The following DPYD variants were observed in gnomAD, a reference collection of about 807,000 sequenced individuals.
DPYD encodes the protein dihydropyrimidine dehydrogenase.
A neutral mutation model predicts 116.2 loss-of-function variants in DPYD; 109 were observed. That is an observed-to-expected ratio of 0.94 (90% CI 0.80 to 1.10). The LOEUF is 1.10. Among genes scored for constraint, DPYD ranks in the 50% least tolerant of loss-of-function variants. The probability of loss-of-function intolerance (pLI) is 0.00; values close to 1 mark genes in which losing one functional copy is unlikely to be tolerated. For synonymous variants in DPYD, 440 were observed against 432.0 expected (o/e 1.02, Z -0.23); for missense variants, 1,302 against 1,254.5 (o/e 1.04, Z -0.57).
At chr1:97,180,475 C>G (rs1188054116) in intron 20 of DPYD, among the ~76,000 whole-genome samples, 4 of 151,938 alleles carry the variant, frequency 2.6e-5, no homozygotes, top group Admixed American at 2.6e-4. Flanking sequence ...CTATAAATGT[C>G]CACTGATTGT....
chr1:97,685,223 A>G (rs1415825763), intron 7 of DPYD, among the ~76,000 whole-genome samples: 1 of 152,214 alleles, frequency 6.6e-6, no homozygotes, highest in Non-Finnish European at 1.5e-5. Flanking sequence ...CATCACATAA[A>G]GAGAAATAAA....
chr1:97,427,416 G>A (rs754512274), intron 14 of DPYD, among the ~76,000 whole-genome samples: 30 of 151,858 alleles, frequency 2.0e-4, no homozygotes, highest in Non-Finnish European at 3.5e-4. Context: ...ACATACAGGC[G>A]ATAATATAAA....
At chr1:97,638,827 A>G (rs139606328) in intron 8 of DPYD, among the ~76,000 whole-genome samples, 94 of 152,202 alleles carry the variant, frequency 6.2e-4, no homozygotes, top group African/African-American at 2.1e-3. Flanking sequence ...AACTCACTCA[A>G]TGCAAGGACA....
intron 3 of DPYD, among the ~76,000 whole-genome samples, chr1:97,747,337 A>C (rs776988818): frequency 2.6e-5 from 4 of 152,184 alleles, no homozygotes; most frequent in Non-Finnish European, 5.9e-5. Flanking sequence ...GCTACAAGTG[A>C]GGTACACTTT....
chr1:97,285,629 A>T (rs1362860532), intron 18 of DPYD, among the ~76,000 whole-genome samples: 1 of 151,746 alleles, frequency 6.6e-6, no homozygotes, highest in African/African-American at 2.4e-5. Flanking sequence ...ATTTGTGAAA[A>T]TTTCTTGGCC....
intron 3 of DPYD, among the ~76,000 whole-genome samples, chr1:97,813,404 T>A (rs769912872): frequency 6.6e-6 from 1 of 152,042 alleles, no homozygotes; most frequent in Non-Finnish European, 1.5e-5. Flanking sequence ...AGAAAAAATA[T>A]GACAATGACA....
intron 5 of DPYD, among the ~76,000 whole-genome samples, chr1:97,707,961 T>C (rs1174220342): frequency 1.3e-5 from 2 of 152,108 alleles, no homozygotes; most frequent in Non-Finnish European, 2.9e-5. Context: ...TGTCTTTTCA[T>C]TTTCTTTCAA....
At chr1:97,696,004 C>T (rs72977716) in intron 6 of DPYD, among the ~76,000 whole-genome samples, 14,360 of 151,762 alleles carry the variant, frequency 0.095, 764 homozygotes, top group Middle Eastern at 0.11. Context: ...GTGGTGCATG[C>T]CTGTAGTCCC....
chr1:97,743,981 A>T (rs988268805), intron 3 of DPYD, among the ~76,000 whole-genome samples: 6 of 152,194 alleles, frequency 3.9e-5, no homozygotes, highest in African/African-American at 1.4e-4. Context: ...AAACTACAAG[A>T]AAACAACTTA....
chr1:97,686,591 C>T (rs1233581113), intron 7 of DPYD, among the ~76,000 whole-genome samples: 2 of 133,768 alleles, frequency 1.5e-5, no homozygotes, highest in Non-Finnish European at 3.1e-5. Context: ...GAGCCGAGAT[C>T]GCGCCACTGC....
intron 4 of DPYD, among the ~76,000 whole-genome samples, chr1:97,737,582 A>G (rs981303376): frequency 6.6e-6 from 1 of 152,124 alleles, no homozygotes. Flanking sequence ...GGAAATGATC[A>G]ATATTTTGTT....
intron 14 of DPYD, among the ~76,000 whole-genome samples, chr1:97,428,907 T>A (rs1675018605): frequency 6.6e-6 from 1 of 152,060 alleles, no homozygotes; most frequent in Non-Finnish European, 1.5e-5. Flanking sequence ...AGTGGGCTTT[T>A]TGTTAATAGA....
At chr1:97,265,299 C>G (rs1437847066) in intron 18 of DPYD, 1 of 152,146 alleles carries the variant, frequency 6.6e-6, no homozygotes, top group African/African-American at 2.4e-5. Context: ...GACCCCTAAT[C>G]TAAAGTCCCA....
intron 3 of DPYD, among the ~76,000 whole-genome samples, chr1:97,789,781 C>T (rs769289514): frequency 1.3e-5 from 2 of 152,068 alleles, no homozygotes; most frequent in Non-Finnish European, 2.9e-5. Context: ...TGAAAGACTC[C>T]GTGTCCACAA....
intron 20 of DPYD, among the ~76,000 whole-genome samples, chr1:97,168,009 G>A (rs1462381116): frequency 6.6e-6 from 1 of 152,076 alleles, no homozygotes; most frequent in African/African-American, 2.4e-5. Context: ...ATGGAGTAAT[G>A]TTTTCTAGTT....
intron 16 of DPYD, among the ~76,000 whole-genome samples, chr1:97,328,257 T>C (rs1303542557): frequency 6.6e-6 from 1 of 152,152 alleles, no homozygotes; most frequent in Non-Finnish European, 1.5e-5. Flanking sequence ...TTATACACCA[T>C]AGAGATGCCT....
At chr1:97,792,794 G>A (rs189042964) in intron 3 of DPYD, among the ~76,000 whole-genome samples, 1 of 152,002 alleles carries the variant, frequency 6.6e-6, no homozygotes, top group African/African-American at 2.4e-5. Context: ...AACATCAGAC[G>A]AATTCTAAGT....
At chr1:97,516,088 G>C in intron 12 of DPYD, 147 bp from the exon 13 acceptor site, 1 of 779,818 alleles carries the variant, frequency 1.3e-6, no homozygotes, top group Non-Finnish European at 2.2e-6. Flanking sequence ...CAAAAAGTCA[G>C]TGAGCAGTGA....
chr1:97,698,761 A>G (rs1371360477), intron 6 of DPYD, among the ~76,000 whole-genome samples: 1 of 151,898 alleles, frequency 6.6e-6, no homozygotes, highest in African/African-American at 2.4e-5. Context: ...ATAATGAAAT[A>G]TGTGTCCCGT....
Sources: gnomAD v4.1 joint callset for allele counts (sites outside exome capture counted in the v4.1 genomes callset) on GRCh38, gnomAD v4.1.1 for gene constraint, MANE v1.5 for transcripts, NCBI Gene and HGNC (gene_info 2026-07-23, HGNC 2026-07-21) for gene names.